Variants in CRPPA observed in about 807,000 individuals in gnomAD.
CRPPA encodes CDP-L-ribitol pyrophosphorylase A.
A neutral mutation model predicts 52.0 loss-of-function variants in CRPPA; 43 were observed. The ratio of observed to expected loss-of-function variants is 0.83; its 90% CI spans 0.65 to 1.07. The LOEUF (loss-of-function observed/expected upper bound fraction) is 1.07, where lower values mean the gene tolerates loss of function less well. Ranked by LOEUF, CRPPA falls within the 50% of genes least tolerant of loss-of-function variation. The pLI is 0.00. For synonymous variants in CRPPA, 250 were observed against 203.5 expected (o/e 1.23, Z -1.94); for missense variants, 629 against 551.7 (o/e 1.14, Z -1.40).
intron 5 of CRPPA, among the ~76,000 whole-genome samples, chr7:16,298,899 G>A (rs950117225): frequency 6.6e-6 from 1 of 152,178 alleles, no homozygotes; most frequent in Non-Finnish European, 1.5e-5. Context: ...TTGGGACTCC[G>A]ACTGGGATTT....
At chr7:16,165,879 C>T (rs1781054382) in intron 9 of CRPPA, among the ~76,000 whole-genome samples, 1 of 152,226 alleles carries the variant, frequency 6.6e-6, no homozygotes, top group Non-Finnish European at 1.5e-5. Context: ...TAACCCTTTT[C>T]AACCTGTAAA....
intron 2 of CRPPA, among the ~76,000 whole-genome samples, chr7:16,397,453 GAC>G (rs1237093180): frequency 6.6e-6 from 1 of 152,162 alleles, no homozygotes; most frequent in Non-Finnish European, 1.5e-5. Flanking sequence ...TAACAGACGT[GAC>G]ACGTGACATG....
intron 9 of CRPPA, among the ~76,000 whole-genome samples, chr7:16,159,696 T>C (rs754464508): frequency 3.3e-5 from 5 of 152,240 alleles, no homozygotes; most frequent in Admixed American, 6.5e-5. Context: ...CATAGCAGAA[T>C]AATTTATAAT....
At chr7:16,397,544 T>C (rs1404851530) in intron 2 of CRPPA, among the ~76,000 whole-genome samples, 1 of 152,178 alleles carries the variant, frequency 6.6e-6, no homozygotes, top group African/African-American at 2.4e-5. Flanking sequence ...AACATGTGAT[T>C]GACGAAATGT....
intron 2 of CRPPA, among the ~76,000 whole-genome samples, chr7:16,405,732 T>G (rs752174990): frequency 1.8e-4 from 27 of 152,166 alleles, no homozygotes; most frequent in Non-Finnish European, 2.8e-4. Context: ...ATTATACATA[T>G]CCTTTACTTC....
intron 5 of CRPPA, among the ~76,000 whole-genome samples, chr7:16,296,041 C>G (rs1784668196): frequency 1.3e-5 from 2 of 152,118 alleles, no homozygotes; most frequent in South Asian, 4.1e-4. Flanking sequence ...CTTTTTTATA[C>G]AGTTTTAACA....
At chr7:16,099,553 A>C (rs1259461819) in intron 9 of CRPPA, among the ~76,000 whole-genome samples, 3 of 151,980 alleles carry the variant, frequency 2.0e-5, no homozygotes, top group African/African-American at 7.2e-5. Flanking sequence ...TGGTCAATAA[A>C]ATTCAGTAAA....
chr7:16,138,728 G>A (rs77034785), intron 9 of CRPPA, among the ~76,000 whole-genome samples: 2,492 of 152,218 alleles, frequency 0.016, 29 homozygotes, highest in Admixed American at 0.031. Flanking sequence ...ATGGTAGAGA[G>A]TAAGAATGAG....
At chr7:16,177,422 G>A (rs1001902806) in intron 9 of CRPPA, among the ~76,000 whole-genome samples, 3 of 152,022 alleles carry the variant, frequency 2.0e-5, no homozygotes, top group Admixed American at 6.6e-5. Context: ...ATACAGAATC[G>A]TAATTTTGTG....
intron 9 of CRPPA, among the ~76,000 whole-genome samples, chr7:16,095,597 A>G (rs1781920693): frequency 1.3e-5 from 2 of 152,226 alleles, no homozygotes; most frequent in African/African-American, 2.4e-5. Flanking sequence ...GGTCTTGGAC[A>G]GTAACATATG....
At chr7:16,110,187 G>C (rs1340537278) in intron 9 of CRPPA, among the ~76,000 whole-genome samples, 1 of 151,972 alleles carries the variant, frequency 6.6e-6, no homozygotes, top group Non-Finnish European at 1.5e-5. Context: ...ATTCATGATA[G>C]CTGTAAAAAT....
chr7:16,150,970 G>T (rs10229466), intron 9 of CRPPA, among the ~76,000 whole-genome samples: 3,309 of 152,234 alleles, frequency 0.022, 124 homozygotes, highest in African/African-American at 0.076. Context: ...CTATCATTAG[G>T]CTCCACCTCC....
Position 16,303,477 on chromosome 7 carries a change from T to TAAAAAAAAAAAA in CRPPA, c.790-2023_790-2012dup, listed in dbSNP as rs545663821. Among the ~76,000 whole-genome samples the TAAAAAAAAAAAA allele has an allele frequency of 1.2e-3, 55 of 44,952 alleles. 2 individuals carry two copies. Among genetic ancestry groups the TAAAAAAAAAAAA allele is most frequent in the Admixed American group, 1.7e-3 (5 of 2,924 alleles). 29.5% of individuals were successfully genotyped at this position (44,952 alleles called of 152,430 possible). On this transcript the variant is annotated intron_variant, in intron 4 of 9. Coordinates refer to ENST00000407010, the MANE Select transcript of CRPPA (RefSeq NM_001101426.4). Reference sequence around the variant, plus strand: ...GTTTCTGTGTTGAGACATAAAATAGTAAAAAAAAAAAAAAAAAAAAAAAAA... The same window carrying TAAAAAAAAAAAA: ...GTTTCTGTGTTGAGACATAAAATAGTAAAAAAAAAAAAAAAAAAAAAAAAAAAAAAAAAAAAA...
chr7:16,107,110 G>A (rs1782169601), intron 9 of CRPPA, among the ~76,000 whole-genome samples: 1 of 151,988 alleles, frequency 6.6e-6, no homozygotes, highest in East Asian at 1.9e-4. Flanking sequence ...GAAGGCTATA[G>A]GAATTAAGGG....
chr7:16,244,651 G>C (rs185434896), intron 8 of CRPPA, among the ~76,000 whole-genome samples: 1 of 152,098 alleles, frequency 6.6e-6, no homozygotes, highest in Non-Finnish European at 1.5e-5. Context: ...ATCTGTTCTT[G>C]TAGAGTAAAA....
chr7:16,303,633 T>A (rs1213711082), intron 4 of CRPPA, among the ~76,000 whole-genome samples: 1 of 152,090 alleles, frequency 6.6e-6, no homozygotes, highest in African/African-American at 2.4e-5. Flanking sequence ...TTATTAGGTA[T>A]AGATTTTTCA....
chr7:16,347,132 A>G (rs771634404), intron 3 of CRPPA, among the ~76,000 whole-genome samples: 3 of 152,072 alleles, frequency 2.0e-5, no homozygotes, highest in Non-Finnish European at 4.4e-5. Context: ...CACCAAACTC[A>G]TAAGGTAGAT....
intron 1 of CRPPA, 104 bp from the exon 2 acceptor site, chr7:16,406,441 T>A: frequency 2.1e-6 from 2 of 972,684 alleles, no homozygotes; most frequent in Non-Finnish European, 3.0e-6. Context: ...ATAGGGAGAT[T>A]AAAAACTGCA....
At chr7:16,289,514 G>A (rs1208953587) in intron 5 of CRPPA, among the ~76,000 whole-genome samples, 3 of 152,106 alleles carry the variant, frequency 2.0e-5, no homozygotes, top group Admixed American at 2.0e-4. Context: ...AGGGATGCAA[G>A]ATGGTTCAAC....
Sources: allele counts gnomAD v4.1 joint callset (sites outside exome capture counted in the v4.1 genomes callset), GRCh38; gene constraint gnomAD v4.1.1; transcripts MANE v1.5; gene names NCBI Gene and HGNC (gene_info 2026-07-23, HGNC 2026-07-21).